The following SLC2A10 variants were observed in gnomAD, a reference collection of about 807,000 sequenced individuals.
The protein encoded by SLC2A10 is solute carrier family 2 member 10, also known as solute carrier family 2, facilitated glucose transporter member 10.
SLC2A10 carries 25 observed loss-of-function variants against 32.1 expected under a neutral mutation model. The ratio of observed to expected loss-of-function variants is 0.78; its 90% CI spans 0.57 to 1.09. SLC2A10 has a LOEUF of 1.09. Ranked by LOEUF, SLC2A10 falls within the 50% of genes least tolerant of loss-of-function variation. The pLI is 0.00. For missense variants in SLC2A10, 673 were observed against 686.5 expected, an observed-to-expected ratio of 0.98 and a Z score of 0.22; for synonymous variants, 332 against 309.6, an observed-to-expected ratio of 1.07 and a Z score of -0.76.
At chr20:46,708,687 C>T (rs1263058313), upstream of SLC2A10, among the ~76,000 whole-genome samples, 2 of 152,210 alleles carry the variant, frequency 1.3e-5, no homozygotes, top group African/African-American at 4.8e-5. Context: ...TGGCCCTTAA[C>T]CAGTTAGAAC....
chr20:46,720,327 A>C (rs2123026098), intron 1 of SLC2A10, among the ~76,000 whole-genome samples: 1 of 152,340 alleles, frequency 6.6e-6, no homozygotes, highest in East Asian at 1.9e-4. Flanking sequence ...TACCAAAAAC[A>C]AAACAAAGCA....
intron 1 of SLC2A10, among the ~76,000 whole-genome samples, chr20:46,724,832 GA>G (rs1979769177): frequency 6.7e-6 from 1 of 149,892 alleles, no homozygotes; most frequent in East Asian, 2.0e-4. Context: ...TGGATGGATG[GA>G]TGGATGGATG....
At position 46,735,474 on chromosome 20, in the gene SLC2A10, T is replaced by C. The variant is rs1980522524; in HGVS notation, c.*1640T>C. On this transcript the variant is annotated 3_prime_UTR_variant, in exon 5 of 5. Transcript: ENST00000359271. ...TAAAACAAAAAAATTATACTCAAAA[T>C]TCATTACTTAATTTTACTACCTGTT... 6.6e-6 allele frequency: 1 copy of C among 152,352 alleles called. No homozygotes were observed. Among genetic ancestry groups the C allele is most frequent in the Non-Finnish European group, 1.5e-5 (1 of 68,044 alleles). 9.4% of individuals were successfully genotyped at this position (152,352 alleles called of 1,614,324 possible).
At chr20:46,714,489 C>T (rs1329619665) in intron 1 of SLC2A10, 1 of 152,464 alleles carries the variant, frequency 6.6e-6, no homozygotes, top group African/African-American at 2.4e-5. Context: ...CTGGAGGCTC[C>T]TTGGGGAGGT....
intron 1 of SLC2A10, among the ~76,000 whole-genome samples, chr20:46,718,420 A>G (rs554160671): frequency 1.3e-5 from 2 of 152,186 alleles, no homozygotes; most frequent in East Asian, 3.9e-4. Context: ...TCGTTTTTCC[A>G]TTCCCTTAAC....
At chr20:46,721,943 G>T (rs909570275) in intron 1 of SLC2A10, among the ~76,000 whole-genome samples, 2 of 152,168 alleles carry the variant, frequency 1.3e-5, no homozygotes, top group African/African-American at 4.8e-5. Flanking sequence ...AGTAACAAAT[G>T]TTTACTACAC....
chr20:46,732,728 T>A (rs1168907945), intron 4 of SLC2A10, among the ~76,000 whole-genome samples: 1 of 150,416 alleles, frequency 6.6e-6, no homozygotes, highest in Non-Finnish European at 1.5e-5. Flanking sequence ...TGCCTGGCAC[T>A]GTCATCTTTA....
chr20:46,713,259 TA>T (rs1979037100), intron 1 of SLC2A10, among the ~76,000 whole-genome samples: 1 of 151,908 alleles, frequency 6.6e-6, no homozygotes, highest in African/African-American at 2.4e-5. Context: ...AATATGTAGT[TA>T]TTTTGGAAGA....
intron 1 of SLC2A10, among the ~76,000 whole-genome samples, chr20:46,722,744 C>A (rs1979629222): frequency 6.6e-6 from 1 of 152,194 alleles, no homozygotes; most frequent in African/African-American, 2.4e-5. Context: ...GGCAGTTACT[C>A]TTCTAATAAT....
intron 1 of SLC2A10, among the ~76,000 whole-genome samples, chr20:46,720,827 CATTTCCTCATTTTATAG>C (rs1465112042): frequency 6.6e-6 from 1 of 152,190 alleles, no homozygotes; most frequent in Non-Finnish European, 1.5e-5. Context: ...GATCTAGTAA[CATTTCCTCATTTTATAG>C]ATTTCCTTAT....
Position 46,725,424 on chromosome 20 carries a change from C to G in SLC2A10, c.388C>G (p.Arg130Gly), listed in dbSNP as rs201150247. 1 of 1,614,050 alleles carries G rather than the reference C, an allele frequency of 6.2e-7. No individual in the cohort carries two copies. The highest frequency in any genetic ancestry group is 1.3e-5 in the African/African-American group (1 of 74,924). The change falls in exon 2 of 5, where the codon CGG (arginine) becomes GGG (glycine). Residue 130 changes from arginine to glycine, a missense_variant. Coordinates refer to ENST00000359271, the MANE Select transcript of SLC2A10 (RefSeq NM_030777.4). ...CIYVSELVGPRQRGVLVSLYE... is the reference protein window; with the variant it reads ...CIYVSELVGPGQRGVLVSLYE... The stretch of plus-strand genomic sequence containing the variant: ...CTACGTGTCAGAGCTGGTGGGGCCA[C>G]GGCAGCGGGGAGTGCTGGTGTCCCT...
chr20:46,718,439 T>C (rs867980092), intron 1 of SLC2A10, among the ~76,000 whole-genome samples: 8 of 152,206 alleles, frequency 5.3e-5, no homozygotes, highest in African/African-American at 1.9e-4. Flanking sequence ...ACATCTGTTT[T>C]CATATTCACT....
chr20:46,735,717 A>C lies in SLC2A10; in HGVS notation c.*1883A>C, dbSNP rs1305249987. The stretch of plus-strand genomic sequence containing the variant: ...TTGTTGATTTTCTAGACTTCAGAAC[A>C]TGCTGGATAAAATGTCAGTAATGCA... On this transcript the variant is annotated 3_prime_UTR_variant, in exon 5 of 5. Coordinates refer to ENST00000359271, the MANE Select transcript of SLC2A10 (RefSeq NM_030777.4). 2.6e-5 allele frequency: 4 copies of C among 152,238 alleles called. No individual in the cohort carries two copies. The East Asian group carries it at 5.8e-4, about 22-fold the overall frequency. 9.4% of individuals were successfully genotyped at this position (152,238 alleles called of 1,614,324 possible).
At chr20:46,710,026 C>A in intron 1 of SLC2A10, 1 of 518,214 alleles carries the variant, frequency 1.9e-6, no homozygotes. Context: ...CCTGATCCGA[C>A]AGCCCCAGGC....
In SLC2A10 at chr20:46,733,969, T is replaced by C; in HGVS notation, c.*135T>C. The C allele has an allele frequency of 3.8e-6, 3 of 799,136 alleles. No homozygotes were observed. The highest frequency in any genetic ancestry group is 6.4e-6 in the Non-Finnish European group (3 of 470,528). 49.5% of individuals were successfully genotyped at this position (799,136 alleles called of 1,614,324 possible). On this transcript the variant is annotated 3_prime_UTR_variant, in exon 5 of 5. Coordinates refer to ENST00000359271, the MANE Select transcript of SLC2A10 (RefSeq NM_030777.4). ...CCCTGCCCCCAAAGGTGGTCTGCTT[T>C]TGCTGGGGTAAAAAGGATGAAAGTC...
rs569364595 is a variant in SLC2A10, at chr20:46,722,793, G to A, written c.5-2248G>A. The stretch of plus-strand genomic sequence containing the variant: ...TACAGTCGGTGTGTTAACAATACCT[G>A]GAGCTGTGTTGTGACTTTAGATGAG... On this transcript the variant is annotated intron_variant, in intron 1 of 4. Transcript: ENST00000359271. Among the ~76,000 whole-genome samples, 6 of 152,278 alleles carry A rather than the reference G, an allele frequency of 3.9e-5. 1 individual carries two copies. Among genetic ancestry groups the A allele is most frequent in the African/African-American group, 1.4e-4 (6 of 41,558 alleles).
Position 46,725,644 on chromosome 20 carries a change from G to A in SLC2A10, c.608G>A (p.Gly203Glu), listed in dbSNP as rs779721073. Reference protein sequence around the residue: ...ATHKDLIPLQGGEAPKLGPGR... With the variant: ...ATHKDLIPLQEGEAPKLGPGR... ...CACAAGGACCTCATCCCACTCCAGG[G>A]AGGTGAGGCCCCCAAGCTGGGCCCG... The change falls in exon 2 of 5, where the codon GGA becomes GAA. Residue 203 changes from glycine to glutamate, a missense_variant. By Grantham distance (98) the Gly-to-Glu change is moderately conservative. Coordinates refer to ENST00000359271, the MANE Select transcript of SLC2A10 (RefSeq NM_030777.4). 2 of 1,614,090 alleles carry A rather than the reference G, an allele frequency of 1.2e-6. No homozygotes were observed. The highest frequency in any genetic ancestry group is 2.2e-5 in the South Asian group (2 of 91,088).
Position 46,726,059 on chromosome 20 carries a change from C to T in SLC2A10, c.1023C>T (p.Leu341=), listed in dbSNP as rs553451325. The change falls in exon 2 of 5, where the codon CTC becomes CTT. Residue 341 remains leucine, a synonymous_variant. Transcript: ENST00000359271. ...AVPNATGQTG[L]PGDSGLLQDS... is the part of the protein sequence containing the mutation. ...CCAATGCCACCGGGCAGACAGGCCT[C>T]CCTGGAGACTCTGGCCTGCTGCAGG... 1.2e-6 allele frequency: 2 copies of T among 1,614,214 alleles called. No individual in the cohort carries two copies. The highest frequency in any genetic ancestry group is 1.3e-5 in the African/African-American group (1 of 75,074).
chr20:46,712,085 A>G (rs897999551), intron 1 of SLC2A10, among the ~76,000 whole-genome samples: 3 of 152,184 alleles, frequency 2.0e-5, no homozygotes, highest in African/African-American at 7.2e-5. Context: ...GAATGACAAT[A>G]GTGATTGTCA....
Sources: gnomAD v4.1 joint callset for allele counts (sites outside exome capture counted in the v4.1 genomes callset) on GRCh38, gnomAD v4.1.1 for gene constraint, MANE v1.5 for transcripts, NCBI Gene and HGNC (gene_info 2026-07-23, HGNC 2026-07-21) for gene names.